Variants in SHISA6 observed in about 807,000 individuals in gnomAD.
The protein encoded by SHISA6 is shisa family member 6, also known as protein shisa-6.
In SHISA6, 22 loss-of-function variants were observed where a neutral mutation model predicts 47.9. The observed-to-expected ratio is 0.46, with a 90% CI of 0.33 to 0.66. SHISA6 has a LOEUF of 0.66. Ranked by LOEUF, SHISA6 falls within the 30% of genes least tolerant of loss-of-function variation. The probability of loss-of-function intolerance (pLI) is 0.02; values close to 1 mark genes in which losing one functional copy is unlikely to be tolerated. For synonymous variants in SHISA6, 388 were observed against 337.8 expected (o/e 1.15, Z -1.63); for missense variants, 680 against 764.6 (o/e 0.89, Z 1.30).
intron 3 of SHISA6, among the ~76,000 whole-genome samples, chr17:11,433,242 C>T (rs1914841860): frequency 6.6e-6 from 1 of 152,112 alleles, no homozygotes; most frequent in South Asian, 2.1e-4. Flanking sequence ...AGCCCCCCAC[C>T]CACCGACAGG....
chr17:11,437,993 A>G (rs1914988293), intron 3 of SHISA6, among the ~76,000 whole-genome samples: 1 of 152,102 alleles, frequency 6.6e-6, no homozygotes, highest in African/African-American at 2.4e-5. Context: ...TGATGTTTTG[A>G]GCCTCGGCAG....
intron 3 of SHISA6, among the ~76,000 whole-genome samples, chr17:11,483,233 G>A (rs961934249): frequency 2.6e-5 from 4 of 151,624 alleles, no homozygotes; most frequent in Non-Finnish European, 5.9e-5. Context: ...CTTGGGAGGC[G>A]GAGGTTGCAG....
chr17:11,328,955 G>C (rs1324405993), intron 2 of SHISA6, among the ~76,000 whole-genome samples: 1 of 152,204 alleles, frequency 6.6e-6, no homozygotes, highest in Non-Finnish European at 1.5e-5. Context: ...GCTTGAATGT[G>C]CTTCTGCTGC....
intron 3 of SHISA6, among the ~76,000 whole-genome samples, chr17:11,402,423 A>C (rs921539810): frequency 6.6e-6 from 1 of 152,250 alleles, no homozygotes; most frequent in Non-Finnish European, 1.5e-5. Flanking sequence ...CTTGAAATAT[A>C]GTTCTCCAAA....
intron 2 of SHISA6, among the ~76,000 whole-genome samples, chr17:11,284,137 C>A (rs1364957721): frequency 6.6e-6 from 1 of 152,070 alleles, no homozygotes; most frequent in Non-Finnish European, 1.5e-5. Flanking sequence ...CCTACCTCAT[C>A]TAGTAAAAAG....
intron 3 of SHISA6, among the ~76,000 whole-genome samples, chr17:11,546,984 A>G (rs547941804): frequency 6.6e-6 from 1 of 152,348 alleles, no homozygotes; most frequent in South Asian, 2.1e-4. Flanking sequence ...GATAAATGGT[A>G]CATGCGATAA....
rs530409144 is a variant in SHISA6, at chr17:11,345,720, A to T, written c.800-33694A>T. Among the ~76,000 whole-genome samples the T allele has an allele frequency of 9.2e-5, 14 of 152,158 alleles. No homozygotes were observed. The South Asian group carries it at 2.5e-3, about 27-fold the overall frequency. On this transcript the variant is annotated intron_variant, in intron 2 of 5. Coordinates refer to ENST00000441885, the MANE Select transcript of SHISA6 (RefSeq NM_207386.4). ...TTTATTACTAGATATTTTATTTCTG[A>T]TGCTATTATAGACTTGACTTATTAA... is the stretch of plus-strand genomic sequence containing the variant.
At chr17:11,526,915 ATATATATATATATATATATATT>A (rs2071690146) in intron 3 of SHISA6, among the ~76,000 whole-genome samples, 1 of 23,780 alleles carries the variant, frequency 4.2e-5, no homozygotes, top group African/African-American at 1.8e-4. Flanking sequence ...ATATATATAT[ATATATATATATATATATATATT>A]ATAATGATCA....
rs149836098 is a variant in SHISA6 at position 11,389,347 on chromosome 17, G to A, written c.895+9838G>A. 2.0e-3 allele frequency among the ~76,000 whole-genome samples: 300 copies of A among 152,234 alleles called. 3 individuals are homozygous for A. The highest frequency in any genetic ancestry group is 1.2e-3 in the East Asian group (6 of 5,162). ...ATAAACTGCAAGGCTGCTTGCTTGCGGAAGTTTCAGCTCTTACCTGTAGGG... is the reference window on the plus strand; with the variant it reads ...ATAAACTGCAAGGCTGCTTGCTTGCAGAAGTTTCAGCTCTTACCTGTAGGG... On this transcript the variant is annotated intron_variant, in intron 3 of 5. Coordinates refer to ENST00000441885, the MANE Select transcript of SHISA6 (RefSeq NM_207386.4).
chr17:11,445,048 A>G (rs962422445), intron 3 of SHISA6, among the ~76,000 whole-genome samples: 3 of 152,202 alleles, frequency 2.0e-5, no homozygotes, highest in African/African-American at 7.2e-5. Flanking sequence ...TGTGACTTTT[A>G]AAAGATGGCC....
intron 2 of SHISA6, among the ~76,000 whole-genome samples, chr17:11,335,819 C>T (rs1284212766): frequency 6.6e-6 from 1 of 152,200 alleles, no homozygotes; most frequent in African/African-American, 2.4e-5. Context: ...TCATTTTCCT[C>T]ATTTGTAGAA....
At chr17:11,481,740 C>T (rs915647167) in intron 3 of SHISA6, among the ~76,000 whole-genome samples, 2 of 152,036 alleles carry the variant, frequency 1.3e-5, no homozygotes, top group African/African-American at 2.4e-5. Flanking sequence ...ATCCACCCAC[C>T]TCAGCCTCCC....
intron 3 of SHISA6, among the ~76,000 whole-genome samples, chr17:11,390,647 A>G (rs1913353301): frequency 6.6e-6 from 1 of 152,150 alleles, no homozygotes; most frequent in Non-Finnish European, 1.5e-5. Flanking sequence ...GGCCTTTAAG[A>G]TCACTTCTAA....
intron 2 of SHISA6, chr17:11,289,077 G>A (rs1909429076): frequency 1.3e-5 from 2 of 152,024 alleles, no homozygotes; most frequent in African/African-American, 2.4e-5. Context: ...TTATATTTTT[G>A]TCATGGTAAA....
intron 3 of SHISA6, among the ~76,000 whole-genome samples, chr17:11,534,982 G>A (rs561996738): frequency 6.6e-6 from 1 of 152,068 alleles, no homozygotes; most frequent in South Asian, 2.1e-4. Flanking sequence ...ACAAAAATTA[G>A]CCATGCGTGG....
At chr17:11,289,323 G>T (rs1376634449) in intron 2 of SHISA6, 1 of 151,772 alleles carries the variant, frequency 6.6e-6, no homozygotes, top group Non-Finnish European at 1.5e-5. Context: ...TTATTTTCTA[G>T]TATTTTATTA....
intron 2 of SHISA6, among the ~76,000 whole-genome samples, chr17:11,357,211 A>G (rs1912108697): frequency 2.2e-5 from 3 of 136,212 alleles, no homozygotes; most frequent in South Asian, 4.9e-4. Context: ...AAAAAAAATG[A>G]AGAAGAAGAA....
At position 11,563,061 on chromosome 17, in the gene SHISA6, C is replaced by A. The variant is rs913458724; in HGVS notation, c.*4757C>A. 6.6e-6 allele frequency: 1 copy of A among 152,346 alleles called. No individual in the cohort carries two copies. The highest frequency in any genetic ancestry group is 6.5e-5 in the Admixed American group (1 of 15,288). 9.4% of individuals were successfully genotyped at this position (152,346 alleles called of 1,614,324 possible). ...TGAGTTTGGAGTTTCCATTTGGATA[C>A]GGTCCTTATAGCTGGAGGGAGGCGG... On this transcript the variant is annotated 3_prime_UTR_variant, in exon 6 of 6. Coordinates refer to ENST00000441885, the MANE Select transcript of SHISA6 (RefSeq NM_207386.4).
intron 3 of SHISA6, among the ~76,000 whole-genome samples, chr17:11,528,304 G>A (rs575449472): frequency 6.6e-6 from 1 of 152,184 alleles, no homozygotes; most frequent in Non-Finnish European, 1.5e-5. Flanking sequence ...GATATATACT[G>A]TGTGTCCCTG....
Sources: gnomAD v4.1 joint callset for allele counts (sites outside exome capture counted in the v4.1 genomes callset) on GRCh38, gnomAD v4.1.1 for gene constraint, MANE v1.5 for transcripts, NCBI Gene and HGNC (gene_info 2026-07-23, HGNC 2026-07-21) for gene names.